MYO16: variants seen among roughly 807,000 people sequenced by gnomAD.
The protein encoded by MYO16 is myosin XVI.
Under a neutral mutation model 205.3 loss-of-function variants are expected in MYO16, and 94 were observed. That is an observed-to-expected ratio of 0.46 (90% confidence interval 0.39 to 0.54). The LOEUF is 0.54. Among genes scored for constraint, MYO16 ranks in the 20% least tolerant of loss-of-function variants. The probability of loss-of-function intolerance (pLI) is 0.00; values close to 1 mark genes in which losing one functional copy is unlikely to be tolerated. For synonymous variants in MYO16, 988 were observed against 954.0 expected, an observed-to-expected ratio of 1.04 and a Z score of -0.66; for missense variants, 2,315 against 2,387.5, an observed-to-expected ratio of 0.97 and a Z score of 0.63.
At chr13:108,598,492 A>G (rs1402816499) in intron 1 of MYO16, among the ~76,000 whole-genome samples, 1 of 152,190 alleles carries the variant, frequency 6.6e-6, no homozygotes. Flanking sequence ...TGGTAGAACA[A>G]TATTTTTAAA....
chr13:108,636,421 C>T (rs1467008853), intron 1 of MYO16, among the ~76,000 whole-genome samples: 4 of 128,904 alleles, frequency 3.1e-5, no homozygotes, highest in African/African-American at 1.2e-4. Flanking sequence ...TGCTCTGTCG[C>T]CAGGCTGGAA....
At chr13:109,057,057 G>A (rs1270368621) in intron 27 of MYO16, among the ~76,000 whole-genome samples, 1 of 152,056 alleles carries the variant, frequency 6.6e-6, no homozygotes, top group East Asian at 1.9e-4. Flanking sequence ...AACAAAATAA[G>A]CAAGCCAACA....
At chr13:108,760,252 C>A (rs1040860194) in intron 4 of MYO16, among the ~76,000 whole-genome samples, 1 of 152,180 alleles carries the variant, frequency 6.6e-6, no homozygotes, top group Non-Finnish European at 1.5e-5. Flanking sequence ...GGACCTATTT[C>A]TCACAGCTCC....
At chr13:108,621,593 C>T (rs1051002989) in intron 1 of MYO16, among the ~76,000 whole-genome samples, 9 of 152,132 alleles carry the variant, frequency 5.9e-5, no homozygotes, top group South Asian at 2.1e-4. Flanking sequence ...TAATCATCCA[C>T]GTCGTCTACT....
chr13:108,758,601 TTTTGA>T lies in MYO16; in HGVS notation c.508-27033_508-27029del, dbSNP rs1885498135. Among the ~76,000 whole-genome samples, 4 of 152,326 alleles carry T rather than the reference TTTTGA, an allele frequency of 2.6e-5. No homozygotes were observed. In the South Asian group the frequency reaches 6.2e-4, roughly 24 times the overall value. ...AGTCATCAATTATCTCTCCTTTATC[TTTTGA>T]CTCCATTAGAAGAACAGACATGACC... On this transcript the variant is annotated intron_variant, in intron 4 of 34. Transcript: ENST00000457511.
At chr13:108,770,017 A>G (rs571892429) in intron 4 of MYO16, among the ~76,000 whole-genome samples, 1 of 151,938 alleles carries the variant, frequency 6.6e-6, no homozygotes, top group Non-Finnish European at 1.5e-5. Flanking sequence ...TAAAAATAAA[A>G]TGGCTAAGTG....
In MYO16 at chr13:109,140,996, C is replaced by A; in HGVS notation, c.4784C>A (p.Pro1595Gln). The change falls in exon 32 of 35, where the codon CCG becomes CAG. Residue 1595 changes from proline to glutamine, a missense_variant. This residue lies in a region of MYO16 where 1,097 missense variants were observed against 1,092.0 expected (regional missense o/e 1.00). Coordinates refer to ENST00000457511, the MANE Select transcript of MYO16 (RefSeq NM_001198950.3). This position sits in a 1 kb window ranked among gnomAD's most constrained non-coding sequence, Gnocchi z 8.0. ...GSGRASPPST[P>Q]PPPPPPPGPP... is the part of the protein sequence containing the mutation. ...GGCCGAGCCTCCCCGCCGTCCACGCCGCCCCCGCCCCCGCCCCCGCCCGGG... is the reference window on the plus strand; with the variant it reads ...GGCCGAGCCTCCCCGCCGTCCACGCAGCCCCCGCCCCCGCCCCCGCCCGGG... The A allele has an allele frequency of 7.6e-7, 1 of 1,312,316 alleles. No homozygotes were observed. The highest frequency in any genetic ancestry group is 9.7e-7 in the Non-Finnish European group (1 of 1,031,814). The allele number at this position is 1,312,316 out of a possible 1,614,324, so 81.3% of individuals were successfully genotyped here.
intron 15 of MYO16, among the ~76,000 whole-genome samples, 184 bp from the exon 16 acceptor site, chr13:108,909,819 G>A (rs1448401103): frequency 6.6e-6 from 1 of 152,072 alleles, no homozygotes. Flanking sequence ...CTTAAACCAT[G>A]TCTTTTCAGC....
intron 23 of MYO16, among the ~76,000 whole-genome samples, chr13:109,039,937 G>C (rs1243444013): frequency 6.6e-6 from 1 of 152,058 alleles, no homozygotes; most frequent in Non-Finnish European, 1.5e-5. Context: ...TATAATATGA[G>C]TGACAAAGAG....
At chr13:109,113,186 A>G (rs569746494) in intron 28 of MYO16, among the ~76,000 whole-genome samples, 1 of 152,336 alleles carries the variant, frequency 6.6e-6, no homozygotes, top group South Asian at 2.1e-4. Flanking sequence ...AGCCTACTAT[A>G]CAACATTTCA....
chr13:108,645,034 C>T (rs1181757573), intron 1 of MYO16, among the ~76,000 whole-genome samples: 11 of 152,134 alleles, frequency 7.2e-5, no homozygotes, highest in African/African-American at 2.2e-4. Context: ...CCTGCACCCC[C>T]AGGAAACAGT....
intron 16 of MYO16, among the ~76,000 whole-genome samples, chr13:108,925,258 C>A (rs1433575391): frequency 6.6e-6 from 1 of 152,090 alleles, no homozygotes; most frequent in Admixed American, 6.5e-5. Context: ...GGTGTGTTTG[C>A]TTTCAGGAGT....
chr13:109,105,225 C>A (rs780221493), intron 28 of MYO16, among the ~76,000 whole-genome samples: 1 of 152,236 alleles, frequency 6.6e-6, no homozygotes, highest in East Asian at 1.9e-4. Context: ...AATACCAGCA[C>A]TTTGAGAGGC....
At chr13:109,108,694 C>T (rs1476576967) in intron 28 of MYO16, among the ~76,000 whole-genome samples, 1 of 152,170 alleles carries the variant, frequency 6.6e-6, no homozygotes, top group Non-Finnish European at 1.5e-5. Context: ...GCAAATGGGA[C>T]ACTGCAGTAG....
chr13:108,509,891 A>G, the MYO16 span, among the ~76,000 whole-genome samples: 1 of 151,992 alleles, frequency 6.6e-6, no homozygotes, highest in Non-Finnish European at 1.5e-5. Context: ...CCCAACCCCA[A>G]CATTGTTTTG....
chr13:108,589,670 A>G, the MYO16 span, among the ~76,000 whole-genome samples: 8 of 151,882 alleles, frequency 5.3e-5, no homozygotes, highest in Non-Finnish European at 8.8e-5. Flanking sequence ...ATTGAACATT[A>G]TTGTCTTCTC....
intron 1 of MYO16, chr13:108,659,342 A>G (rs1330627650): frequency 2.4e-6 from 1 of 408,864 alleles, no homozygotes; most frequent in East Asian, 8.3e-5. Flanking sequence ...ACATACACAA[A>G]CACATCTATT....
At chr13:108,553,048 T>C in the MYO16 span, among the ~76,000 whole-genome samples, 1 of 137,342 alleles carries the variant, frequency 7.3e-6, no homozygotes, top group Non-Finnish European at 1.5e-5. Flanking sequence ...AGACAGAGTC[T>C]TGCTCTGTCA....
At chr13:108,709,141 G>T (rs1223054238) in intron 2 of MYO16, among the ~76,000 whole-genome samples, 1 of 152,122 alleles carries the variant, frequency 6.6e-6, no homozygotes, top group Non-Finnish European at 1.5e-5. Flanking sequence ...TCCCCAGATG[G>T]CTGTTTTCCT....
Sources: gnomAD v4.1 joint callset for allele counts (sites outside exome capture counted in the v4.1 genomes callset) on GRCh38, gnomAD v4.1.1 for gene constraint, gnomAD v4.1.1 regional missense constraint, Gnocchi (gnomAD v3.1) non-coding constraint, MANE v1.5 for transcripts, NCBI Gene and HGNC (gene_info 2026-07-23, HGNC 2026-07-21) for gene names.